Variants in FBXW11 observed in about 807,000 individuals in gnomAD.
FBXW11 encodes F-box/WD repeat-containing protein 11.
Under a neutral mutation model 77.6 loss-of-function variants are expected in FBXW11, and 19 were observed. The observed-to-expected ratio is 0.24, with a 90% CI of 0.17 to 0.36. The LOEUF (loss-of-function observed/expected upper bound fraction) is 0.36. FBXW11 is among the 10% of genes least tolerant of loss of function. The probability of loss-of-function intolerance (pLI) is 1.00; values close to 1 mark genes in which losing one functional copy is unlikely to be tolerated. For synonymous variants in FBXW11, 235 were observed against 249.4 expected (o/e 0.94, Z 0.54); for missense variants, 334 against 704.2 (o/e 0.47, Z 5.95).
intron 2 of FBXW11, among the ~76,000 whole-genome samples, chr5:171,925,956 T>TG (rs1227957753): frequency 2.0e-5 from 3 of 152,274 alleles, no homozygotes; most frequent in Admixed American, 1.3e-4. Context: ...CTATTTTAAG[T>TG]GGGAAAAAAG....
At position 171,957,620 on chromosome 5, in the gene FBXW11, T is replaced by C; in HGVS notation, c.124A>G (p.Met42Val). The C allele has an allele frequency of 6.2e-7, 1 of 1,614,186 alleles. No individual in the cohort carries two copies. Among genetic ancestry groups the C allele is most frequent in the Non-Finnish European group, 8.5e-7 (1 of 1,179,998 alleles). ...SMCALSCLQS[M>V]PSVRCLQNTS... ...ACCTGGAGACATCTGACACTGGGCA[T>C]GCTCTGCAGGCAACTCAGTGCGCAC... The change falls in exon 2 of 14, where the codon ATG becomes GTG. Residue 42 changes from methionine (M) to valine (V), a missense_variant. Around this residue, in one of 10 missense-constraint regions of FBXW11, gnomAD observed 80 missense variants for 105.1 expected, o/e 0.76. Transcript: ENST00000517395.
At chr5:171,974,173 G>A (rs758903870) in intron 1 of FBXW11, among the ~76,000 whole-genome samples, 12 of 152,114 alleles carry the variant, frequency 7.9e-5, no homozygotes, top group Admixed American at 1.3e-4. Flanking sequence ...AGTGTCTCAC[G>A]TCTGTAATCC....
In FBXW11 at chr5:171,882,013, C is replaced by T. The variant is rs528497202; in HGVS notation, c.853-3884G>A. Among the ~76,000 whole-genome samples, 10 of 152,230 alleles carry T rather than the reference C, an allele frequency of 6.6e-5. No individual in the cohort carries two copies. In the South Asian group the frequency reaches 1.9e-3, roughly 28 times the overall value. On this transcript the variant is annotated intron_variant, in intron 7 of 13. Coordinates refer to ENST00000517395, the MANE Select transcript of FBXW11 (RefSeq NM_001378974.1). The stretch of plus-strand genomic sequence containing the variant: ...TCAATTTTACTCATCTTTTCAAAGA[C>T]ACATCTTTTGGTTTCCTTACCTATT...
intron 2 of FBXW11, among the ~76,000 whole-genome samples, chr5:171,957,163 T>C (rs1333613970): frequency 6.6e-6 from 1 of 152,142 alleles, no homozygotes; most frequent in African/African-American, 2.4e-5. Flanking sequence ...CCCTCCCCGC[T>C]CCTTTTTTGA....
At chr5:171,990,536 C>T (rs1765679113) in intron 1 of FBXW11, among the ~76,000 whole-genome samples, 1 of 152,176 alleles carries the variant, frequency 6.6e-6, no homozygotes, top group Non-Finnish European at 1.5e-5. Flanking sequence ...TTCTTTATAG[C>T]ATTAACTGTA....
intron 11 of FBXW11, among the ~76,000 whole-genome samples, 169 bp downstream of exon 11, chr5:171,870,579 C>G (rs1757697208): frequency 6.6e-6 from 1 of 152,190 alleles, no homozygotes; most frequent in Non-Finnish European, 1.5e-5. Flanking sequence ...GTTCTTCTTT[C>G]TGGGCCTGAG....
chr5:171,878,903 T>A (rs928053210), intron 7 of FBXW11, among the ~76,000 whole-genome samples: 3 of 152,040 alleles, frequency 2.0e-5, no homozygotes, highest in Non-Finnish European at 4.4e-5. Flanking sequence ...CCCCTACGTT[T>A]ACAAAAACAA....
intron 2 of FBXW11, among the ~76,000 whole-genome samples, chr5:171,920,765 T>C (rs1232671277): frequency 6.6e-6 from 1 of 152,216 alleles, no homozygotes; most frequent in Non-Finnish European, 1.5e-5. Flanking sequence ...TGTGTTTTTT[T>C]AATATGATAA....
chr5:172,004,500 G>A (rs922310366), intron 1 of FBXW11, among the ~76,000 whole-genome samples: 3 of 151,934 alleles, frequency 2.0e-5, no homozygotes, highest in East Asian at 1.9e-4. Flanking sequence ...TTAGGCCAAA[G>A]GTTTTTATTT....
At chr5:171,910,514 G>T in intron 4 of FBXW11, 58 bp downstream of exon 4, 1 of 1,209,948 alleles carries the variant, frequency 8.3e-7, no homozygotes, top group South Asian at 1.4e-5. Flanking sequence ...TATCCACCTA[G>T]GTCCTTGGGC....
intron 1 of FBXW11, among the ~76,000 whole-genome samples, chr5:171,984,559 A>C (rs1765331972): frequency 6.6e-6 from 1 of 152,216 alleles, no homozygotes; most frequent in South Asian, 2.1e-4. Flanking sequence ...AATCAGGGAG[A>C]ATTTCTGACA....
intron 2 of FBXW11, among the ~76,000 whole-genome samples, chr5:171,949,723 T>C (rs1448356611): frequency 6.6e-6 from 1 of 152,170 alleles, no homozygotes; most frequent in East Asian, 1.9e-4. Flanking sequence ...CCAATGAATA[T>C]TTTTATGTAT....
At chr5:171,885,243 A>G (rs1021146501) in intron 7 of FBXW11, among the ~76,000 whole-genome samples, 3 of 152,230 alleles carry the variant, frequency 2.0e-5, no homozygotes, top group African/African-American at 7.2e-5. Flanking sequence ...TGCTGGAAAC[A>G]CAAGGAGATT....
intron 2 of FBXW11, among the ~76,000 whole-genome samples, chr5:171,941,012 A>G (rs2113171572): frequency 6.6e-6 from 1 of 152,348 alleles, no homozygotes; most frequent in East Asian, 1.9e-4. Flanking sequence ...ATAGGAAAAT[A>G]TAGGTGTATA....
chr5:171,875,824 C>T (rs1194230081), intron 9 of FBXW11, among the ~76,000 whole-genome samples: 2 of 152,118 alleles, frequency 1.3e-5, no homozygotes, highest in East Asian at 1.9e-4. Flanking sequence ...GCCCAGAGTC[C>T]ACCGCACTGC....
intron 2 of FBXW11, among the ~76,000 whole-genome samples, chr5:171,934,866 A>G (rs989507839): frequency 2.6e-5 from 4 of 152,076 alleles, no homozygotes; most frequent in Admixed American, 6.6e-5. Context: ...AATAAAAATA[A>G]CCTTTAAAAC....
intron 1 of FBXW11, among the ~76,000 whole-genome samples, chr5:171,965,606 G>C (rs144524186): frequency 2.5e-4 from 38 of 151,386 alleles, no homozygotes; most frequent in Non-Finnish European, 4.3e-4. Context: ...TAATCTCTCT[G>C]GTAGAGAGAT....
At chr5:172,004,248 G>A (rs559315133) in intron 1 of FBXW11, among the ~76,000 whole-genome samples, 33 of 152,284 alleles carry the variant, frequency 2.2e-4, no homozygotes, top group African/African-American at 7.7e-4. Flanking sequence ...TTTAATTTAT[G>A]ATAAGGGTTG....
At chr5:171,948,383 G>A (rs1763129555) in intron 2 of FBXW11, among the ~76,000 whole-genome samples, 1 of 151,588 alleles carries the variant, frequency 6.6e-6, no homozygotes, top group Non-Finnish European at 1.5e-5. Flanking sequence ...GTGAGATTAT[G>A]ATTGACTGGT....
Sources: allele counts gnomAD v4.1 joint callset (sites outside exome capture counted in the v4.1 genomes callset), GRCh38; gene constraint gnomAD v4.1.1; regional missense constraint gnomAD v4.1.1; transcripts MANE v1.5; gene names NCBI Gene and HGNC (gene_info 2026-07-23, HGNC 2026-07-21).